Variants in PCDH7 observed in about 807,000 individuals in gnomAD.
The protein encoded by PCDH7 is protocadherin-7.
Under a neutral mutation model 58.9 loss-of-function variants are expected in PCDH7, and 17 were observed. The observed-to-expected ratio is 0.29, with a 90% CI of 0.20 to 0.43. PCDH7 has a LOEUF of 0.43. Ranked by LOEUF, PCDH7 falls within the 20% of genes least tolerant of loss-of-function variation. PCDH7 has a pLI of 1.00. For missense variants in PCDH7, 1,274 were observed against 1,441.0 expected, an observed-to-expected ratio of 0.88 and a Z score of 1.88; for synonymous variants, 664 against 616.4, an observed-to-expected ratio of 1.08 and a Z score of -1.14.
intron 1 of PCDH7, among the ~76,000 whole-genome samples, chr4:30,812,127 G>A (rs1374952016): frequency 6.6e-6 from 1 of 152,152 alleles, no homozygotes; most frequent in Non-Finnish European, 1.5e-5. Flanking sequence ...AAAGGTCTCT[G>A]AGAATTAAAG....
At chr4:30,903,238 A>G (rs1740461356) in intron 1 of PCDH7, among the ~76,000 whole-genome samples, 1 of 152,036 alleles carries the variant, frequency 6.6e-6, no homozygotes, top group African/African-American at 2.4e-5. Context: ...TCCTCTTAAT[A>G]TTTTTTTAAC....
chr4:30,791,134 T>G (rs1724073311), intron 1 of PCDH7, among the ~76,000 whole-genome samples: 1 of 152,106 alleles, frequency 6.6e-6, no homozygotes, highest in African/African-American at 2.4e-5. Flanking sequence ...GGCAACTGCA[T>G]TCTTTGAACA....
intron 1 of PCDH7, among the ~76,000 whole-genome samples, chr4:30,750,005 T>G (rs1718296030): frequency 2.0e-5 from 3 of 152,168 alleles, no homozygotes; most frequent in Admixed American, 6.5e-5. Flanking sequence ...TCTGCAAGTT[T>G]CTATACAAAA....
intron 2 of PCDH7, among the ~76,000 whole-genome samples, chr4:30,933,227 G>C (rs1286634988): frequency 6.6e-6 from 1 of 151,838 alleles, no homozygotes; most frequent in Admixed American, 6.6e-5. Context: ...GGGTTTCACC[G>C]TGTTAGCCAG....
intron 1 of PCDH7, among the ~76,000 whole-genome samples, chr4:30,897,724 TA>T (rs2109391254): frequency 6.6e-6 from 1 of 152,314 alleles, no homozygotes; most frequent in South Asian, 2.1e-4. Context: ...AAAGCACACA[TA>T]GCTGTTTATC....
chr4:30,822,707 A>T (rs1278802513), intron 1 of PCDH7, among the ~76,000 whole-genome samples: 2 of 152,066 alleles, frequency 1.3e-5, no homozygotes, highest in Non-Finnish European at 2.9e-5. Context: ...GATTGCCTTT[A>T]TTACAGAATG....
At chr4:30,966,259 A>G (rs12511227) in intron 3 of PCDH7, among the ~76,000 whole-genome samples, 93,129 of 152,062 alleles carry the variant, frequency 0.61, 29,745 homozygotes, top group African/African-American at 0.81. Flanking sequence ...TATTTAAGTT[A>G]TAACTCAGTC....
At chr4:31,016,783 TTGTGTGTG>T (rs142533678) in intron 3 of PCDH7, among the ~76,000 whole-genome samples, 1 of 150,562 alleles carries the variant, frequency 6.6e-6, no homozygotes, top group Non-Finnish European at 1.5e-5. Context: ...ATAAGGGCTA[TTGTGTGTG>T]TGTGTGTGCG....
At chr4:30,765,935 A>G (rs946760737) in intron 1 of PCDH7, among the ~76,000 whole-genome samples, 5 of 152,098 alleles carry the variant, frequency 3.3e-5, no homozygotes, top group African/African-American at 9.7e-5. Context: ...GGGTGGGTCA[A>G]TTATCTAACC....
intron 3 of PCDH7, among the ~76,000 whole-genome samples, chr4:30,999,447 A>T (rs919200879): frequency 2.0e-5 from 3 of 152,248 alleles, no homozygotes; most frequent in African/African-American, 7.2e-5. Context: ...AGAGAAAACT[A>T]TTTCTCAGGA....
At chr4:30,864,515 T>A (rs879808405) in intron 1 of PCDH7, among the ~76,000 whole-genome samples, 5 of 151,458 alleles carry the variant, frequency 3.3e-5, no homozygotes, top group African/African-American at 4.8e-5. Context: ...GTGAAAATAG[T>A]GAAGTTTAAT....
intron 1 of PCDH7, among the ~76,000 whole-genome samples, chr4:30,869,980 C>T (rs962195449): frequency 6.6e-6 from 1 of 151,892 alleles, no homozygotes; most frequent in African/African-American, 2.4e-5. Flanking sequence ...GCCATTCTAA[C>T]TGGTGTGAGA....
At chr4:31,055,057 A>G (rs1757040522) in intron 3 of PCDH7, among the ~76,000 whole-genome samples, 1 of 152,172 alleles carries the variant, frequency 6.6e-6, no homozygotes, top group Non-Finnish European at 1.5e-5. Flanking sequence ...ACTTATGAAT[A>G]ACAAAGCATT....
intron 2 of PCDH7, among the ~76,000 whole-genome samples, chr4:30,945,125 A>G (rs189097182): frequency 5.3e-5 from 8 of 152,268 alleles, no homozygotes; most frequent in Admixed American, 5.2e-4. Context: ...AGCATGTCAT[A>G]TTAAATAAGA....
chr4:30,770,093 G>C (rs892970338), intron 1 of PCDH7, among the ~76,000 whole-genome samples: 1 of 152,076 alleles, frequency 6.6e-6, no homozygotes, highest in Non-Finnish European at 1.5e-5. Context: ...AGGCTTGGTG[G>C]GTATCCTGAG....
chr4:30,982,892 T>A (rs1578484125), intron 3 of PCDH7, among the ~76,000 whole-genome samples: 1 of 152,206 alleles, frequency 6.6e-6, no homozygotes, highest in African/African-American at 2.4e-5. Flanking sequence ...TTCTGTGACA[T>A]TGATTTTAGA....
At chr4:30,940,098 A>C (rs992464446) in intron 2 of PCDH7, among the ~76,000 whole-genome samples, 7 of 152,052 alleles carry the variant, frequency 4.6e-5, no homozygotes, top group Middle Eastern at 3.4e-3. Flanking sequence ...GCAAAAAAAC[A>C]AACAAACAAA....
intron 1 of PCDH7, among the ~76,000 whole-genome samples, chr4:30,808,148 A>G (rs938522211): frequency 6.6e-6 from 1 of 152,216 alleles, no homozygotes; most frequent in African/African-American, 2.4e-5. Context: ...GACTAAATGA[A>G]CAAACAGACT....
At chr4:30,786,075 A>G (rs1477877634) in intron 1 of PCDH7, among the ~76,000 whole-genome samples, 4 of 151,998 alleles carry the variant, frequency 2.6e-5, no homozygotes, top group Non-Finnish European at 5.9e-5. Flanking sequence ...CATAACTTTT[A>G]TTTTTCCAAA....
Sources: gnomAD v4.1 joint callset for allele counts (sites outside exome capture counted in the v4.1 genomes callset) on GRCh38, gnomAD v4.1.1 for gene constraint, MANE v1.5 for transcripts, NCBI Gene and HGNC (gene_info 2026-07-23, HGNC 2026-07-21) for gene names.